The following PRKG1 variants were observed in gnomAD, a reference collection of about 807,000 sequenced individuals.
PRKG1 encodes protein kinase cGMP-dependent 1.
In PRKG1, 35 loss-of-function variants were observed where a neutral mutation model predicts 88.1. The observed-to-expected ratio is 0.40, with a 90% CI of 0.30 to 0.53. PRKG1 has a LOEUF of 0.53. Ranked by LOEUF, PRKG1 falls within the 20% of genes least tolerant of loss-of-function variation. The probability of loss-of-function intolerance (pLI) is 0.59; values close to 1 mark genes in which losing one functional copy is unlikely to be tolerated. For missense variants in PRKG1, 540 were observed against 839.8 expected (o/e 0.64, Z 4.41); for synonymous variants, 303 against 292.5 (o/e 1.04, Z -0.37).
At chr10:52,257,488 C>A (rs1193670074) in intron 10 of PRKG1, among the ~76,000 whole-genome samples, 5 of 140,070 alleles carry the variant, frequency 3.6e-5, no homozygotes, top group African/African-American at 1.2e-4. Context: ...TACTGCCAAG[C>A]CGCACAGCAA....
chr10:51,747,476 A>G (rs1837610610), intron 3 of PRKG1, among the ~76,000 whole-genome samples: 1 of 152,158 alleles, frequency 6.6e-6, no homozygotes, highest in South Asian at 2.1e-4. Context: ...ATGGAAAGAC[A>G]ATGCAGGACA....
At chr10:51,139,389 C>T (rs1845771497) in intron 1 of PRKG1, among the ~76,000 whole-genome samples, 1 of 152,062 alleles carries the variant, frequency 6.6e-6, no homozygotes, top group South Asian at 2.1e-4. Context: ...GGCAGGAATC[C>T]AAAGGATGAG....
intron 9 of PRKG1, among the ~76,000 whole-genome samples, chr10:52,178,171 C>T (rs1266855675): frequency 1.3e-5 from 2 of 151,864 alleles, no homozygotes; most frequent in Non-Finnish European, 2.9e-5. Context: ...TTTGCTGTGT[C>T]CCATAGGTCC....
At chr10:51,698,459 A>C in intron 3 of PRKG1, 1 of 1,614,126 alleles carries the variant, frequency 6.2e-7, no homozygotes, top group South Asian at 1.1e-5. Flanking sequence ...GGCATGATGC[A>C]TGGGGGGACC....
chr10:51,481,500 T>G (rs1840358385), intron 3 of PRKG1, among the ~76,000 whole-genome samples: 1 of 152,098 alleles, frequency 6.6e-6, no homozygotes, highest in Non-Finnish European at 1.5e-5. Flanking sequence ...CCGCCCTCCC[T>G]GGCCTCCCAA....
intron 2 of PRKG1, among the ~76,000 whole-genome samples, chr10:51,438,978 C>A (rs1839014707): frequency 6.6e-6 from 1 of 150,412 alleles, no homozygotes. Context: ...CTAAAAACCA[C>A]CTGGAACCAA....
At chr10:51,118,622 G>A (rs1387549169) in intron 1 of PRKG1, among the ~76,000 whole-genome samples, 1 of 152,078 alleles carries the variant, frequency 6.6e-6, no homozygotes, top group Non-Finnish European at 1.5e-5. Context: ...ATTCTTATTA[G>A]CATCAGTTTT....
At chr10:51,616,482 C>A (rs1034887088) in intron 3 of PRKG1, among the ~76,000 whole-genome samples, 2 of 152,058 alleles carry the variant, frequency 1.3e-5, no homozygotes, top group Non-Finnish European at 2.9e-5. Context: ...AGTCTACAGT[C>A]CCCCAGGTGG....
In PRKG1 at chr10:51,045,000, G is replaced by T. The variant is rs995814305; in HGVS notation, c.266+53356G>T. On this transcript the variant is annotated intron_variant, in intron 1 of 17. Transcript: ENST00000401604. ...GCTGTGCTATGATATTTTAGTGCAT[G>T]TATTTGGTAGCTGTTTGTGTGGCAA... 6.6e-5 allele frequency among the ~76,000 whole-genome samples: 10 copies of T among 152,162 alleles called. No homozygotes were observed. In the South Asian group the frequency reaches 1.0e-3, roughly 16 times the overall value.
At chr10:51,591,711 T>C (rs1045643879) in intron 3 of PRKG1, among the ~76,000 whole-genome samples, 1 of 152,194 alleles carries the variant, frequency 6.6e-6, no homozygotes, top group Non-Finnish European at 1.5e-5. Context: ...CGTTCCCATT[T>C]GAATATTTAC....
intron 5 of PRKG1, among the ~76,000 whole-genome samples, chr10:51,981,414 A>G (rs1274877031): frequency 6.6e-6 from 1 of 152,050 alleles, no homozygotes; most frequent in Non-Finnish European, 1.5e-5. Context: ...GTGAAAGCCC[A>G]TCTCTACTAA....
intron 2 of PRKG1, among the ~76,000 whole-genome samples, chr10:51,298,867 G>A (rs542128693): frequency 3.3e-4 from 51 of 152,294 alleles, no homozygotes; most frequent in Admixed American, 3.1e-3. Context: ...TAGTAGGCAT[G>A]CAACAAAAGG....
At chr10:52,015,835 G>A (rs4631829) in intron 5 of PRKG1, among the ~76,000 whole-genome samples, 76,750 of 152,044 alleles carry the variant, frequency 0.5, 19,554 homozygotes, top group East Asian at 0.59. Context: ...AAAGTTCAAC[G>A]GATCTTTAGG....
Position 51,391,750 on chromosome 10 carries a change from C to A in PRKG1, c.479-75973C>A, listed in dbSNP as rs75187147. On this transcript the variant is annotated intron_variant, in intron 2 of 17. Coordinates refer to ENST00000373980, the MANE Select transcript of PRKG1 (RefSeq NM_006258.4). ...TGCTATTTGCAAAACTGTTTAATTT[C>A]CCTGAATATTTTGTTCTCTTGTTGA... 1.2e-4 allele frequency among the ~76,000 whole-genome samples: 18 copies of A among 152,268 alleles called. No individual in the cohort carries two copies. The East Asian group carries it at 3.5e-3, about 29-fold the overall frequency.
intron 9 of PRKG1, among the ~76,000 whole-genome samples, chr10:52,248,198 G>C (rs573484715): frequency 1.3e-5 from 2 of 152,148 alleles, no homozygotes; most frequent in East Asian, 1.9e-4. Context: ...CTTCCAGTGC[G>C]GGCATTAGGG....
chr10:51,630,750 C>T (rs530113375), intron 3 of PRKG1, among the ~76,000 whole-genome samples: 8 of 152,286 alleles, frequency 5.3e-5, no homozygotes, highest in Middle Eastern at 3.4e-3. Context: ...GAAAGAGGAA[C>T]GTGTGCTATC....
intron 2 of PRKG1, among the ~76,000 whole-genome samples, chr10:51,399,361 T>G (rs1040295971): frequency 6.6e-6 from 1 of 152,164 alleles, no homozygotes; most frequent in Non-Finnish European, 1.5e-5. Flanking sequence ...TACAGCATGC[T>G]GCCTGTCATT....
chr10:52,007,282 A>G (rs1043832958), intron 5 of PRKG1, among the ~76,000 whole-genome samples: 1 of 152,150 alleles, frequency 6.6e-6, no homozygotes, highest in Non-Finnish European at 1.5e-5. Flanking sequence ...ATCAAAACTA[A>G]CCTTCAGTGT....
At chr10:51,079,330 C>T (rs541591575) in intron 1 of PRKG1, among the ~76,000 whole-genome samples, 1 of 152,254 alleles carries the variant, frequency 6.6e-6, no homozygotes, top group African/African-American at 2.4e-5. Context: ...AAAATATAAT[C>T]AAGCCTGTTT....
Sources: allele counts gnomAD v4.1 joint callset (sites outside exome capture counted in the v4.1 genomes callset), GRCh38; gene constraint gnomAD v4.1.1; transcripts MANE v1.5; gene names NCBI Gene and HGNC (gene_info 2026-07-23, HGNC 2026-07-21).